The following SAMD14 variants were observed in gnomAD, a reference collection of about 807,000 sequenced individuals.
The protein encoded by SAMD14 is sterile alpha motif domain-containing protein 14.
Under a neutral mutation model 46.2 loss-of-function variants are expected in SAMD14, and 27 were observed. That is an observed-to-expected ratio of 0.58 (90% CI 0.43 to 0.81). SAMD14 has a LOEUF of 0.81. Ranked by LOEUF, SAMD14 falls within the 30% of genes least tolerant of loss-of-function variation. The pLI is 0.00. For missense variants in SAMD14, 559 were observed against 582.2 expected, an observed-to-expected ratio of 0.96 and a Z score of 0.41; for synonymous variants, 241 against 254.3, an observed-to-expected ratio of 0.95 and a Z score of 0.50.
At chr17:50,127,841 G>A (rs1294756499) in intron 1 of SAMD14, among the ~76,000 whole-genome samples, 7 of 152,156 alleles carry the variant, frequency 4.6e-5, no homozygotes, top group Admixed American at 3.9e-4. Context: ...CAACCACAAA[G>A]CCTTATCTGG....
Position 50,112,928 on chromosome 17 carries a change from GCTTCTCCCGCTGCCGCGCAGC to G in SAMD14, c.1198_1218del (p.Ala400_Lys406del). ...TTGGCCTCCTGCTCTCGGCGCCGGA[GCTTCTCCCGCTGCCGCGCAGC>G]CTTCTCCTGGGCCTTGCGCTCCTTC... On this transcript the variant is annotated inframe_deletion, in exon 10 of 10. Coordinates refer to ENST00000330175, the MANE Select transcript of SAMD14 (RefSeq NM_001257359.2). 1 of 1,608,226 alleles carries G rather than the reference GCTTCTCCCGCTGCCGCGCAGC, an allele frequency of 6.2e-7. No individual in the cohort carries two copies. Among genetic ancestry groups the G allele is most frequent in the Non-Finnish European group, 8.5e-7 (1 of 1,179,930 alleles).
In SAMD14 at chr17:50,115,982, T is replaced by C; in HGVS notation, c.587+21A>G. 1 of 1,613,854 alleles carries C rather than the reference T, an allele frequency of 6.2e-7. No homozygotes were observed. Among genetic ancestry groups the C allele is most frequent in the Non-Finnish European group, 8.5e-7 (1 of 1,179,832 alleles). ...ACCCCAGCAGCTCCAAGCCCTGCGA[T>C]CTAGCCCCGCCTCCACTCACCCCAG... On this transcript the variant is annotated intron_variant, in intron 5 of 9. Coordinates refer to ENST00000330175, the MANE Select transcript of SAMD14 (RefSeq NM_001257359.2). The surrounding 1 kb of genome is among the most constrained non-coding windows in gnomAD (Gnocchi z 5.3).
chr17:50,123,936 G>T (rs984779937), intron 2 of SAMD14: 3 of 378,736 alleles, frequency 7.9e-6, no homozygotes, highest in South Asian at 5.7e-5. Flanking sequence ...AGGCCCTGAG[G>T]CAGTTCAAGG....
At position 50,118,170 on chromosome 17, in the gene SAMD14, G is replaced by A; in HGVS notation, c.201C>T (p.Pro67=). The change falls in exon 3 of 10, where the codon CCC becomes CCT. Residue 67 remains proline (P), a synonymous_variant. Transcript: ENST00000330175. ...SAEDGEGSDG[P]GGKVTDGCGS... is the part of the protein sequence containing the mutation. ...CCTAACTTGCCCCAACCTTGCCTCC[G>A]GGCCCATCCGAGCCTTCACCATCCT... 4.4e-6 allele frequency: 7 copies of A among 1,598,200 alleles called. No homozygotes were observed. The highest frequency in any genetic ancestry group is 6.0e-6 in the Non-Finnish European group (7 of 1,169,824).
In SAMD14 at chr17:50,110,187, G is replaced by C; in HGVS notation, c.*2706C>G. The C allele has an allele frequency of 7.2e-7, 1 of 1,384,102 alleles. No homozygotes were observed. Among genetic ancestry groups the C allele is most frequent in the Non-Finnish European group, 9.7e-7 (1 of 1,035,820 alleles). The allele number at this position is 1,384,102 out of a possible 1,614,324, so 85.7% of individuals were successfully genotyped here. The stretch of plus-strand genomic sequence containing the variant: ...CCCTCACCATCCTCCTGGGGGAGCA[G>C]GGGGTGGGTTCTCCCTGATGACCAG... On this transcript the variant is annotated 3_prime_UTR_variant, in exon 10 of 10. Coordinates refer to ENST00000330175, the MANE Select transcript of SAMD14 (RefSeq NM_001257359.2).
intron 1 of SAMD14, among the ~76,000 whole-genome samples, chr17:50,127,864 T>C (rs1490619664): frequency 6.6e-6 from 1 of 152,224 alleles, no homozygotes; most frequent in African/African-American, 2.4e-5. Flanking sequence ...AGGACCCAGC[T>C]GCCACCTCCT....
Position 50,112,472 on chromosome 17 carries a change from C to CT in SAMD14, c.*420dup, listed in dbSNP as rs1910904497. On this transcript the variant is annotated 3_prime_UTR_variant, in exon 10 of 10. Transcript: ENST00000330175. ...TCCTGCTGAAATGCCCAGCCCAGCTCTGAGCCCTGGGGCCCGGCCTCAGGG... is the reference window on the plus strand; with the variant it reads ...TCCTGCTGAAATGCCCAGCCCAGCTCTTGAGCCCTGGGGCCCGGCCTCAGGG... 1 of 160,862 alleles carries CT rather than the reference C, an allele frequency of 6.2e-6. No homozygotes were observed. The highest frequency in any genetic ancestry group is 2.4e-5 in the African/African-American group (1 of 41,608). 10.0% of individuals were successfully genotyped at this position (160,862 alleles called of 1,614,324 possible).
Position 50,121,300 on chromosome 17 carries a change from C to T in SAMD14, c.44-2973G>A, listed in dbSNP as rs1911490487. On this transcript the variant is annotated intron_variant, in intron 2 of 9. Coordinates refer to ENST00000330175, the MANE Select transcript of SAMD14 (RefSeq NM_001257359.2). ...GTACCTTCCATGTGACTAGAAGAAA[C>T]TTTCTGAAGCACCTTTCTTTTTTTT... Among the ~76,000 whole-genome samples the T allele has an allele frequency of 2.8e-5, 4 of 144,374 alleles. 1 individual carries two copies. The Admixed American group carries it at 3.0e-4, about 11-fold the overall frequency. The allele number at this position is 144,374 out of a possible 152,430, so 94.7% of individuals were successfully genotyped here.
In SAMD14 at chr17:50,114,499, C is replaced by G. The variant is rs937429018; in HGVS notation, c.823-193G>C. 8 of 1,528,160 alleles carry G rather than the reference C, an allele frequency of 5.2e-6. No individual in the cohort carries two copies. The Admixed American group carries it at 7.2e-5, about 14-fold the overall frequency. The allele number at this position is 1,528,160 out of a possible 1,614,324, so 94.7% of individuals were successfully genotyped here. A position where few individuals can be genotyped will look rare whatever the true frequency, so the allele number is the denominator to read the frequency against. On this transcript the variant is annotated intron_variant, in intron 7 of 9. Transcript: ENST00000330175. Reference sequence around the variant, plus strand: ...TCAGGACCTGAAGCCTTTGGGAGAGCAGGCAGCCATCTGGAGGACATGGGG... The same window carrying G: ...TCAGGACCTGAAGCCTTTGGGAGAGGAGGCAGCCATCTGGAGGACATGGGG...
At chr17:50,126,365 C>T (rs995156865) in intron 1 of SAMD14, among the ~76,000 whole-genome samples, 11 of 147,256 alleles carry the variant, frequency 7.5e-5, no homozygotes, top group Non-Finnish European at 1.6e-4. Context: ...AGTGCAGTGG[C>T]GCTATCTTGG....
chr17:50,122,894 G>A (rs1360348239), intron 2 of SAMD14, among the ~76,000 whole-genome samples: 2 of 151,160 alleles, frequency 1.3e-5, no homozygotes, highest in South Asian at 2.1e-4. Context: ...GGTGGACACC[G>A]AGAGGAGATT....
Position 50,130,107 on chromosome 17 carries a change from T to G in SAMD14, c.-603A>C, listed in dbSNP as rs1911967296. Among the ~76,000 whole-genome samples, 1 of 150,420 alleles carries G rather than the reference T, an allele frequency of 6.6e-6. No individual in the cohort carries two copies. The highest frequency in any genetic ancestry group is 2.0e-4 in the East Asian group (1 of 5,048). On this transcript the variant is annotated 5_prime_UTR_variant, in exon 1 of 10. Coordinates refer to ENST00000330175, the MANE Select transcript of SAMD14 (RefSeq NM_001257359.2). This position sits in a 1 kb window ranked among gnomAD's most constrained non-coding sequence, Gnocchi z 4.1. ...GGGAGGGCGGCGGGGAGGAGGCGGC[T>G]GGGGCCGGGGAGCGGAGTTGCAGCT...
intron 1 of SAMD14, among the ~76,000 whole-genome samples, chr17:50,128,820 C>G (rs1279149535): frequency 6.6e-6 from 1 of 152,122 alleles, no homozygotes; most frequent in East Asian, 1.9e-4. Flanking sequence ...GAGATCACAC[C>G]GAGAGTGGGG....
At chr17:50,116,735 C>A (rs775636946) in intron 4 of SAMD14, among the ~76,000 whole-genome samples, 27 of 152,140 alleles carry the variant, frequency 1.8e-4, no homozygotes, top group Non-Finnish European at 3.5e-4. Context: ...ACCAACCTTC[C>A]AAACTTGGCT....
rs375378316 is a variant in SAMD14, at chr17:50,115,691, C to A, written c.695G>T (p.Gly232Val). 6.2e-7 allele frequency: 1 copy of A among 1,604,264 alleles called. No individual in the cohort carries two copies. The highest frequency in any genetic ancestry group is 1.1e-5 in the South Asian group (1 of 89,842). The change falls in exon 7 of 10, where the codon GGC becomes GTC. Residue 232 changes from glycine (G) to valine (V), a missense_variant. By Grantham distance (109) the Gly-to-Val change is moderately radical. Coordinates refer to ENST00000330175, the MANE Select transcript of SAMD14 (RefSeq NM_001257359.2). This position sits in a 1 kb window ranked among gnomAD's most constrained non-coding sequence, Gnocchi z 5.3. ...ESVEGSGRSG[G>V]SPFLPFSWFT... The stretch of plus-strand genomic sequence containing the variant: ...CCAGGAAAAAGGCAGGAACGGGGAG[C>A]CCCCTGACCTGCCGGACCCCTCCAC...
chr17:50,121,235 A>C, intron 2 of SAMD14, among the ~76,000 whole-genome samples: 1 of 137,884 alleles, frequency 7.3e-6, no homozygotes, highest in South Asian at 2.2e-4. Context: ...ACATGCAACT[A>C]TCCCTCCTTC....
At position 50,115,507 on chromosome 17, in the gene SAMD14, C is replaced by A. The variant is rs1911134982; in HGVS notation, c.822+57G>T. The A allele has an allele frequency of 6.7e-7, 1 of 1,497,968 alleles. No individual in the cohort carries two copies. Among genetic ancestry groups the A allele is most frequent in the Non-Finnish European group, 8.9e-7 (1 of 1,118,422 alleles). The allele number at this position is 1,497,968 out of a possible 1,614,324, so 92.8% of individuals were successfully genotyped here. A position where few individuals can be genotyped will look rare whatever the true frequency, so the allele number is the denominator to read the frequency against. On this transcript the variant is annotated intron_variant, in intron 7 of 9. Transcript: ENST00000330175. This position sits in a 1 kb window ranked among gnomAD's most constrained non-coding sequence, Gnocchi z 5.3. ...CCAGCCTGAGCCAAGGTGAAGTACG[C>A]CCTCATGTCACCTGAGACTGGGGGC...
chr17:50,118,055 C>G, intron 3 of SAMD14, 106 bp downstream of exon 3: 1 of 1,244,326 alleles, frequency 8.0e-7, no homozygotes. Context: ...GGTCAGGAGT[C>G]TGGGGATGTG....
At chr17:50,127,876 C>T (rs1911850978) in intron 1 of SAMD14, among the ~76,000 whole-genome samples, 1 of 152,224 alleles carries the variant, frequency 6.6e-6, no homozygotes, top group African/African-American at 2.4e-5. Flanking sequence ...CCACCTCCTT[C>T]AGGAAGCTGT....
Sources: gnomAD v4.1 joint callset for allele counts (sites outside exome capture counted in the v4.1 genomes callset) on GRCh38, gnomAD v4.1.1 for gene constraint, Gnocchi (gnomAD v3.1) non-coding constraint, MANE v1.5 for transcripts, NCBI Gene and HGNC (gene_info 2026-07-23, HGNC 2026-07-21) for gene names.